The following CAMK2A variants were observed in gnomAD, a reference collection of about 807,000 sequenced individuals.
CAMK2A encodes calcium/calmodulin-dependent protein kinase type II subunit alpha.
Under a neutral mutation model 79.2 loss-of-function variants are expected in CAMK2A, and 7 were observed. That is an observed-to-expected ratio of 0.09 (90% CI 0.05 to 0.17). CAMK2A has a LOEUF of 0.17. CAMK2A is among the 10% of genes least tolerant of loss of function. The pLI is 1.00. For missense variants in CAMK2A, 214 were observed against 646.4 expected (o/e 0.33, Z 7.25); for synonymous variants, 242 against 251.7 (o/e 0.96, Z 0.36).
At chr5:150,277,489 C>T (rs1346471373) in intron 1 of CAMK2A, among the ~76,000 whole-genome samples, 1 of 152,204 alleles carries the variant, frequency 6.6e-6, no homozygotes, top group East Asian at 1.9e-4. Flanking sequence ...GAGCCAAGGC[C>T]GTAAGAGCTA....
chr5:150,223,122 T>C lies in CAMK2A; in HGVS notation c.1333A>G (p.Ile445Val). 2 of 1,614,142 alleles carry C rather than the reference T, an allele frequency of 1.2e-6. No homozygotes were observed. The highest frequency in any genetic ancestry group is 2.2e-5 in the South Asian group (2 of 91,092). The change falls in exon 18 of 19, where the codon ATC becomes GTC. Residue 445 changes from isoleucine to valine, a missense_variant. Coordinates refer to ENST00000671881, the MANE Select transcript of CAMK2A (RefSeq NM_015981.4). This position sits in a 1 kb window ranked among gnomAD's most constrained non-coding sequence, Gnocchi z 4.1. Reference protein sequence around the residue: ...DESACIAYIRITQYLDAGGIP... With the variant: ...DESACIAYIRVTQYLDAGGIP... ...CCGCCAGCGTCCAGGTACTGCGTGA[T>C]GCGGATGTAGGCGATGCAGGCTGAC...
At chr5:150,272,183 G>T (rs1160536710) in intron 2 of CAMK2A, among the ~76,000 whole-genome samples, 1 of 152,198 alleles carries the variant, frequency 6.6e-6, no homozygotes, top group Non-Finnish European at 1.5e-5. Context: ...AGCCCAGAAA[G>T]GGAGGTGGGT....
At chr5:150,239,759 T>C in intron 13 of CAMK2A, 23 bp from the exon 14 acceptor site, 1 of 1,609,396 alleles carries the variant, frequency 6.2e-7, no homozygotes. Context: ...GGAGAAGAGA[T>C]GGGACAGGAA....
rs142066374 is a variant in CAMK2A, at chr5:150,234,210, C to G, written c.1067-2830G>C. Among the ~76,000 whole-genome samples, 497 of 152,260 alleles carry G rather than the reference C, an allele frequency of 3.3e-3. 3 individuals are homozygous for G. Among genetic ancestry groups the G allele is most frequent in the African/African-American group, 0.011 (464 of 41,542 alleles). ...GTGAGACCTGAGTCACTCTCCTTGC[C>G]TTCTCTGCATGGACTTTAAGACCCT... On this transcript the variant is annotated intron_variant, in intron 15 of 18. Coordinates refer to ENST00000671881, the MANE Select transcript of CAMK2A (RefSeq NM_015981.4).
chr5:150,226,744 A>AGG lies in CAMK2A; in HGVS notation c.1237+1446_1237+1447dup, dbSNP rs530069538. Among the ~76,000 whole-genome samples the AGG allele has an allele frequency of 9.4e-3, 789 of 84,228 alleles. 7 individuals carry two copies. Among genetic ancestry groups the AGG allele is most frequent in the South Asian group, 0.014 (24 of 1,746 alleles). The allele number at this position is 84,228 out of a possible 152,430, so 55.3% of individuals were successfully genotyped here. On this transcript the variant is annotated intron_variant, in intron 17 of 18. Transcript: ENST00000671881. ...AGTGAGACTCAGTCAAAAAAAAAAA[A>AGG]GGGGGGGGGGGGATTTTCCTGAATT...
At chr5:150,233,783 T>C (rs2114030655) in intron 15 of CAMK2A, among the ~76,000 whole-genome samples, 1 of 152,152 alleles carries the variant, frequency 6.6e-6, no homozygotes, top group East Asian at 1.9e-4. Context: ...GTCACCTCTT[T>C]TGTTTGTTTG....
chr5:150,224,033 TGGTCATGGGGTGA>T (rs1295230264), intron 17 of CAMK2A, among the ~76,000 whole-genome samples: 1 of 152,150 alleles, frequency 6.6e-6, no homozygotes, highest in Non-Finnish European at 1.5e-5. Context: ...ATGGTATTGG[TGGTCATGGGGTGA>T]GGTCATGGGA....
At chr5:150,244,014 A>G (rs560704141) in intron 13 of CAMK2A, among the ~76,000 whole-genome samples, 53 of 152,230 alleles carry the variant, frequency 3.5e-4, no homozygotes, top group Non-Finnish European at 7.3e-4. Flanking sequence ...GTTCAATTTG[A>G]AAACCACTGT....
intron 3 of CAMK2A, among the ~76,000 whole-genome samples, chr5:150,263,884 G>T (rs1756399899): frequency 1.3e-5 from 2 of 152,224 alleles, no homozygotes; most frequent in African/African-American, 4.8e-5. Context: ...ACCCAGGGAT[G>T]TCTCTCTGAT....
intron 3 of CAMK2A, 52 bp from the exon 4 acceptor site, chr5:150,257,669 C>G: frequency 7.1e-7 from 1 of 1,408,258 alleles, no homozygotes; most frequent in Non-Finnish European, 9.8e-7. Context: ...GCTGCACAGG[C>G]CCGCCCTCCC....
intron 1 of CAMK2A, among the ~76,000 whole-genome samples, chr5:150,274,209 C>G (rs982856877): frequency 6.6e-6 from 1 of 152,186 alleles, no homozygotes; most frequent in Non-Finnish European, 1.5e-5. Context: ...TTAAGAGGCT[C>G]TTGGGATTTT....
chr5:150,257,457 A>C (rs1411475672), intron 4 of CAMK2A, 106 bp downstream of exon 4: 1 of 983,824 alleles, frequency 1.0e-6, no homozygotes, highest in African/African-American at 1.6e-5. Context: ...CATTTGGGGA[A>C]ACTCTGGACC....
chr5:150,261,832 G>A (rs1756317712), intron 3 of CAMK2A, among the ~76,000 whole-genome samples: 1 of 152,126 alleles, frequency 6.6e-6, no homozygotes, highest in Non-Finnish European at 1.5e-5. Flanking sequence ...TAATACCACT[G>A]GACTGCTATA....
At chr5:150,257,777 G>A (rs1014400645) in intron 3 of CAMK2A, among the ~76,000 whole-genome samples, 160 bp from the exon 4 acceptor site, 1 of 152,126 alleles carries the variant, frequency 6.6e-6, no homozygotes, top group Admixed American at 6.5e-5. Context: ...GGTGAACAAG[G>A]GCTCACTGCA....
At chr5:150,280,741 G>A (rs1362402843) in intron 1 of CAMK2A, among the ~76,000 whole-genome samples, 3 of 151,752 alleles carry the variant, frequency 2.0e-5, no homozygotes, top group South Asian at 2.1e-4. Context: ...CTTTGAGCTC[G>A]CCCTTCCTTT....
chr5:150,257,530 C>A (rs996701013), intron 4 of CAMK2A, 33 bp downstream of exon 4: 4 of 1,540,390 alleles, frequency 2.6e-6, no homozygotes, highest in Non-Finnish European at 3.5e-6. Flanking sequence ...GCCCCAACAC[C>A]GTTGGCGCAT....
chr5:150,270,190 G>A (rs4958443), intron 2 of CAMK2A, among the ~76,000 whole-genome samples: 8,762 of 152,304 alleles, frequency 0.058, 340 homozygotes, highest in Non-Finnish European at 0.091. Context: ...AATAGCTACT[G>A]TTACTGATGA....
rs539835837 is a variant in CAMK2A at position 150,223,539 on chromosome 5, GCA to G, written c.1238-324_1238-323del. Among the ~76,000 whole-genome samples the G allele has an allele frequency of 1.9e-3, 284 of 152,306 alleles. 2 individuals are homozygous for G. The highest frequency in any genetic ancestry group is 3.7e-3 in the South Asian group (18 of 4,820). On this transcript the variant is annotated intron_variant, in intron 17 of 18. Transcript: ENST00000671881. The surrounding 1 kb of genome is among the most constrained non-coding windows in gnomAD (Gnocchi z 4.1). ...GATCATAGAACCAGAAGAGCTGTGA[GCA>G]CAGTCTCAAATCCGGATCCCCCCAG...
intron 15 of CAMK2A, among the ~76,000 whole-genome samples, chr5:150,232,256 T>G (rs1341605634): frequency 2.6e-5 from 4 of 152,216 alleles, no homozygotes. Flanking sequence ...TGAAGGTCTG[T>G]GAAATGGAGA....
Sources: gnomAD v4.1 joint callset for allele counts (sites outside exome capture counted in the v4.1 genomes callset) on GRCh38, gnomAD v4.1.1 for gene constraint, Gnocchi (gnomAD v3.1) non-coding constraint, MANE v1.5 for transcripts, NCBI Gene and HGNC (gene_info 2026-07-23, HGNC 2026-07-21) for gene names.